SMG6: variants seen among roughly 807,000 people sequenced by gnomAD.
The protein encoded by SMG6 is telomerase-binding protein EST1A.
Under a neutral mutation model 142.2 loss-of-function variants are expected in SMG6, and 66 were observed. The observed-to-expected ratio is 0.46, with a 90% CI of 0.38 to 0.57. SMG6 has a LOEUF of 0.57. Among genes scored for constraint, SMG6 ranks in the 20% least tolerant of loss-of-function variants. The probability of loss-of-function intolerance (pLI) is 0.00; values close to 1 mark genes in which losing one functional copy is unlikely to be tolerated. For missense variants in SMG6, 1,793 were observed against 1,832.0 expected, an observed-to-expected ratio of 0.98 and a Z score of 0.39; for synonymous variants, 779 against 702.4, an observed-to-expected ratio of 1.11 and a Z score of -1.72.
In SMG6 at chr17:2,300,474, G is replaced by A. The variant is rs148027517; in HGVS notation, c.279C>T (p.Pro93=). The part of the protein sequence containing the change: ...DCSAVENGTQ[P]VKDVCKELNN... Reference sequence around the variant, plus strand: ...TCAGTTCCTTGCAGACATCTTTAACGGGCTGTGTACCATTTTCAACAGCAG... The same window carrying A: ...TCAGTTCCTTGCAGACATCTTTAACAGGCTGTGTACCATTTTCAACAGCAG... Residue 93 remains proline, a synonymous_variant, in exon 2 of 19, where the codon CCC becomes CCT. Coordinates refer to ENST00000263073, the MANE Select transcript of SMG6 (RefSeq NM_017575.5). The A allele has an allele frequency of 1.9e-4, 303 of 1,614,082 alleles. 1 individual carries two copies. In the African/African-American group the frequency reaches 3.5e-3, roughly 18 times the overall value.
chr17:2,135,556 C>A (rs1402371732), intron 13 of SMG6, among the ~76,000 whole-genome samples: 1 of 152,084 alleles, frequency 6.6e-6, no homozygotes, highest in Non-Finnish European at 1.5e-5. Context: ...AACCTTATGG[C>A]AATAATGGAA....
At chr17:2,170,011 A>G (rs1783822823) in intron 13 of SMG6, among the ~76,000 whole-genome samples, 1 of 152,192 alleles carries the variant, frequency 6.6e-6, no homozygotes, top group African/African-American at 2.4e-5. Context: ...AGAAGTGCCA[A>G]GAATAACCCC....
At chr17:2,171,817 G>C (rs2071512094) in intron 13 of SMG6, among the ~76,000 whole-genome samples, 1 of 147,006 alleles carries the variant, frequency 6.8e-6, no homozygotes, top group African/African-American at 2.5e-5. Context: ...GAAGACATTT[G>C]TGGAGCCTCC....
At chr17:2,234,284 A>G (rs2073584850) in intron 10 of SMG6, among the ~76,000 whole-genome samples, 1 of 150,722 alleles carries the variant, frequency 6.6e-6, no homozygotes, top group African/African-American at 2.4e-5. Context: ...ATTTTTTGAG[A>G]TGGAGTCTCA....
intron 8 of SMG6, among the ~76,000 whole-genome samples, chr17:2,279,914 C>T (rs938502188): frequency 6.6e-6 from 1 of 152,168 alleles, no homozygotes; most frequent in Non-Finnish European, 1.5e-5. Flanking sequence ...CCTTCCCTAA[C>T]CATGACTGGA....
At chr17:2,137,218 G>A (rs980352391) in intron 13 of SMG6, among the ~76,000 whole-genome samples, 5 of 152,096 alleles carry the variant, frequency 3.3e-5, no homozygotes, top group Admixed American at 6.6e-5. Context: ...TACTAACCAC[G>A]GAACGCTTCT....
intron 13 of SMG6, among the ~76,000 whole-genome samples, chr17:2,101,982 C>G (rs534428772): frequency 1.3e-5 from 2 of 152,266 alleles, no homozygotes; most frequent in East Asian, 3.9e-4. Flanking sequence ...AAAAAGGCAG[C>G]CTCTCAGAGC....
intron 13 of SMG6, among the ~76,000 whole-genome samples, chr17:2,124,367 T>C (rs1469158314): frequency 1.3e-5 from 2 of 152,246 alleles, no homozygotes; most frequent in African/African-American, 4.8e-5. Context: ...GTTAGTCCAA[T>C]TCTGAATACA....
chr17:2,218,924 G>C (rs1050969139), intron 10 of SMG6, among the ~76,000 whole-genome samples: 4 of 152,204 alleles, frequency 2.6e-5, no homozygotes, highest in African/African-American at 9.6e-5. Flanking sequence ...TGTTGTGGGA[G>C]ACAAGAGGTA....
chr17:2,158,120 T>C (rs1465559269), intron 13 of SMG6, among the ~76,000 whole-genome samples: 1 of 152,088 alleles, frequency 6.6e-6, no homozygotes, highest in Non-Finnish European at 1.5e-5. Flanking sequence ...AAAAAGGAAA[T>C]CCCCTGTTCA....
chr17:2,093,444 G>T (rs2068776951), intron 13 of SMG6, among the ~76,000 whole-genome samples: 1 of 152,064 alleles, frequency 6.6e-6, no homozygotes, highest in African/African-American at 2.4e-5. Flanking sequence ...AAAAGACAGA[G>T]GGAATACATA....
intron 13 of SMG6, among the ~76,000 whole-genome samples, chr17:2,123,278 G>A (rs780606134): frequency 1.3e-5 from 2 of 152,306 alleles, no homozygotes; most frequent in East Asian, 1.9e-4. Context: ...GAGGGGAGGA[G>A]TAGACCCAGG....
intron 4 of SMG6, among the ~76,000 whole-genome samples, chr17:2,294,051 CA>C (rs1459728765): frequency 6.6e-6 from 1 of 152,264 alleles, no homozygotes; most frequent in Admixed American, 6.5e-5. Context: ...CCACTCCACA[CA>C]AAAGAAATTA....
intron 14 of SMG6, among the ~76,000 whole-genome samples, chr17:2,084,273 G>T (rs774280017): frequency 6.6e-6 from 1 of 152,222 alleles, no homozygotes; most frequent in African/African-American, 2.4e-5. Context: ...CCAGGGCTTG[G>T]GTGGCACTGC....
At chr17:2,150,704 G>A (rs1376682514) in intron 13 of SMG6, among the ~76,000 whole-genome samples, 1 of 152,132 alleles carries the variant, frequency 6.6e-6, no homozygotes, top group Non-Finnish European at 1.5e-5. Context: ...GTCAGGCAAA[G>A]GCAAATCACA....
chr17:2,294,879 C>CTT (rs35762226), intron 4 of SMG6, among the ~76,000 whole-genome samples: 1 of 146,558 alleles, frequency 6.8e-6, no homozygotes, highest in Non-Finnish European at 1.5e-5. Flanking sequence ...TCAATAAACA[C>CTT]TTTTTTTTTT....
chr17:2,226,595 CAAACAAAA>C (rs1567698648), intron 10 of SMG6, among the ~76,000 whole-genome samples: 5 of 143,404 alleles, frequency 3.5e-5, no homozygotes, highest in African/African-American at 1.3e-4. Context: ...AACAAACAAA[CAAACAAAA>C]AAAAAACAAA....
intron 10 of SMG6, among the ~76,000 whole-genome samples, chr17:2,222,547 G>GGT: frequency 2.6e-5 from 1 of 38,456 alleles, no homozygotes; most frequent in East Asian, 1.1e-3. Context: ...GCAATGCGGG[G>GGT]GCGGGGGGGG....
chr17:2,182,496 G>A (rs2071837375), intron 12 of SMG6, among the ~76,000 whole-genome samples: 1 of 152,074 alleles, frequency 6.6e-6, no homozygotes, highest in Non-Finnish European at 1.5e-5. Context: ...ACAGTCCAGG[G>A]GGTACATCTT....
Sources: allele counts gnomAD v4.1 joint callset (sites outside exome capture counted in the v4.1 genomes callset), GRCh38; gene constraint gnomAD v4.1.1; transcripts MANE v1.5; gene names NCBI Gene and HGNC (gene_info 2026-07-23, HGNC 2026-07-21).